Variants in PEX3 observed in about 807,000 individuals in gnomAD.
The protein encoded by PEX3 is peroxisomal biogenesis factor 3.
PEX3 carries 30 observed loss-of-function variants against 55.8 expected under a neutral mutation model. That is an observed-to-expected ratio of 0.54 (90% CI 0.40 to 0.73). The LOEUF is 0.73. PEX3 is among the 30% of genes least tolerant of loss of function. The probability of loss-of-function intolerance (pLI) is 0.00; values close to 1 mark genes in which losing one functional copy is unlikely to be tolerated. For synonymous variants in PEX3, 135 were observed against 148.4 expected (o/e 0.91, Z 0.66); for missense variants, 351 against 432.8 (o/e 0.81, Z 1.68).
chr6:143,470,960 G>A lies in PEX3; in HGVS notation c.332-1G>A, dbSNP rs1386505638. The A allele has an allele frequency of 7.4e-6, 12 of 1,611,730 alleles. No individual in the cohort carries two copies. Among genetic ancestry groups the A allele is most frequent in the Admixed American group, 1.7e-5 (1 of 59,988 alleles). On this transcript the variant is annotated splice_acceptor_variant, in intron 4 of 11. Transcript: ENST00000367591. LOFTEE classifies it high-confidence loss of function. The stretch of plus-strand genomic sequence containing the variant: ...CAAATGCTTTTCTTTTCTCTGTGAA[G>A]GTTTCACAAGAAGTACTGTGGCTGT...
At position 143,471,345 on chromosome 6, in the gene PEX3, A is replaced by G; in HGVS notation, c.457-38A>G. On this transcript the variant is annotated intron_variant, in intron 5 of 11. Transcript: ENST00000367591. This position sits in a 1 kb window ranked among gnomAD's most constrained non-coding sequence, Gnocchi z 5.4. ...AAAACATTTCTTATTTACCAGTTTAAAACTTGGATAATTGAACTGTATTTC... is the reference window on the plus strand; with the variant it reads ...AAAACATTTCTTATTTACCAGTTTAGAACTTGGATAATTGAACTGTATTTC... 1 of 1,426,606 alleles carries G rather than the reference A, an allele frequency of 7.0e-7. No individual in the cohort carries two copies. 88.4% of individuals were successfully genotyped at this position (1,426,606 alleles called of 1,614,324 possible). A position where few individuals can be genotyped will look rare whatever the true frequency, so the allele number is the denominator to read the frequency against.
chr6:143,474,232 G>A (rs924752863), intron 8 of PEX3, among the ~76,000 whole-genome samples: 1 of 152,044 alleles, frequency 6.6e-6, no homozygotes, highest in Non-Finnish European at 1.5e-5. Flanking sequence ...GGCGGATCAC[G>A]AGGTCAGGAG....
rs896344168 is a variant in PEX3 at position 143,459,469 on chromosome 6, C to G, written c.205+253C>G. ...GAAGTGAACAACAACAACAAAAAGC[C>G]CCTGACCTTTGGAGTTTATATTCTA... On this transcript the variant is annotated intron_variant, in intron 2 of 11. Coordinates refer to ENST00000367591, the MANE Select transcript of PEX3 (RefSeq NM_003630.3). The surrounding 1 kb of genome is among the most constrained non-coding windows in gnomAD (Gnocchi z 4.2). 7.2e-5 allele frequency among the ~76,000 whole-genome samples: 11 copies of G among 152,074 alleles called. No individual in the cohort carries two copies. Among genetic ancestry groups the G allele is most frequent in the African/African-American group, 2.7e-4 (11 of 41,392 alleles).
chr6:143,454,083 A>G lies in PEX3; in HGVS notation c.73+2968A>G, dbSNP rs1258245430. Among the ~76,000 whole-genome samples, 2 of 152,196 alleles carry G rather than the reference A, an allele frequency of 1.3e-5. No individual in the cohort carries two copies. The highest frequency in any genetic ancestry group is 2.4e-5 in the African/African-American group (1 of 41,454). ...ATAAACCTATTACATATTAACATAC[A>G]TAACATTTTCAAAAAATTAATGAGT... On this transcript the variant is annotated intron_variant, in intron 1 of 11. Transcript: ENST00000367591. This position sits in a 1 kb window ranked among gnomAD's most constrained non-coding sequence, Gnocchi z 4.3.
rs1448158496 is a variant in PEX3 at position 143,471,665 on chromosome 6, A to G, written c.578+54A>G. The stretch of plus-strand genomic sequence containing the variant: ...CTTCTTGATTCTAATGAGTGAAAGA[A>G]AATTAGAATTGTTCTAGTGAAACCA... On this transcript the variant is annotated intron_variant, in intron 7 of 11. Coordinates refer to ENST00000367591, the MANE Select transcript of PEX3 (RefSeq NM_003630.3). This position sits in a 1 kb window ranked among gnomAD's most constrained non-coding sequence, Gnocchi z 5.4. 1.6e-6 allele frequency: 2 copies of G among 1,259,912 alleles called. No individual in the cohort carries two copies. Among genetic ancestry groups the G allele is most frequent in the Admixed American group, 3.4e-5 (2 of 59,466 alleles). The allele number at this position is 1,259,912 out of a possible 1,614,324, so 78.0% of individuals were successfully genotyped here.
Position 143,466,918 on chromosome 6 carries a change from G to A in PEX3, c.288-1204G>A, listed in dbSNP as rs150466437. ...TACTGTATTATATAAATTTGACTTG[G>A]GAACCATATAAATATTTAATATTAT... On this transcript the variant is annotated intron_variant, in intron 3 of 11. Coordinates refer to ENST00000367591, the MANE Select transcript of PEX3 (RefSeq NM_003630.3). This position sits in a 1 kb window ranked among gnomAD's most constrained non-coding sequence, Gnocchi z 5.4. 0.011 allele frequency among the ~76,000 whole-genome samples: 1,672 copies of A among 151,350 alleles called. 26 individuals carry two copies. Among genetic ancestry groups the A allele is most frequent in the African/African-American group, 0.038 (1,564 of 41,328 alleles).
In PEX3 at chr6:143,471,293, T is replaced by C; in HGVS notation, c.457-90T>C. ...CTATTTTTCCCGTCATTTCAGATCT[T>C]GAAAAATCTCAGCCAAAGTTTTATT... On this transcript the variant is annotated intron_variant, in intron 5 of 11. Coordinates refer to ENST00000367591, the MANE Select transcript of PEX3 (RefSeq NM_003630.3). This position sits in a 1 kb window ranked among gnomAD's most constrained non-coding sequence, Gnocchi z 5.4. 8.5e-7 allele frequency: 1 copy of C among 1,179,190 alleles called. No individual in the cohort carries two copies. Among genetic ancestry groups the C allele is most frequent in the Non-Finnish European group, 1.3e-6 (1 of 794,344 alleles). The allele number at this position is 1,179,190 out of a possible 1,614,324, so 73.0% of individuals were successfully genotyped here.
Position 143,485,208 on chromosome 6 carries a change from TC to T in PEX3, c.1000del (p.His334IlefsTer16). 6.2e-7 allele frequency: 1 copy of T among 1,608,046 alleles called. No homozygotes were observed. The highest frequency in any genetic ancestry group is 8.5e-7 in the Non-Finnish European group (1 of 1,174,724). On this transcript the variant is annotated frameshift_variant, in exon 11 of 12. Transcript: ENST00000367591. LOFTEE classifies it high-confidence loss of function. The surrounding 1 kb of genome is among the most constrained non-coding windows in gnomAD (Gnocchi z 5.6). ...ATAATTCCAATAGTAAACGGACAGA[TC>T]CATTCAGTTTGCAGTGAAACACCTA... ...AKIIPIVNGQ[I>X]HSVCSETPSH...
rs781623065 is a variant in PEX3, at chr6:143,451,431, TAAAA to T, written c.73+321_73+324del. On this transcript the variant is annotated intron_variant, in intron 1 of 11. Coordinates refer to ENST00000367591, the MANE Select transcript of PEX3 (RefSeq NM_003630.3). This position sits in a 1 kb window ranked among gnomAD's most constrained non-coding sequence, Gnocchi z 4.1. ...GCACCATTCTCTTACAGGAACTTTT[TAAAA>T]AAAATTCTGCTTTCCTGTGAGATTC... Among the ~76,000 whole-genome samples the T allele has an allele frequency of 5.3e-5, 8 of 152,080 alleles. No individual in the cohort carries two copies. Among genetic ancestry groups the T allele is most frequent in the South Asian group, 2.1e-4 (1 of 4,826 alleles).
chr6:143,450,975 A>C lies in PEX3; in HGVS notation c.-68A>C. On this transcript the variant is annotated 5_prime_UTR_variant, in exon 1 of 12. Coordinates refer to ENST00000367591, the MANE Select transcript of PEX3 (RefSeq NM_003630.3). The stretch of plus-strand genomic sequence containing the variant: ...CTTGCTGGGTCATCTGGGCCAGGTG[A>C]CGAAGAAACAGTTTCCTGGTGAAGC... The C allele has an allele frequency of 8.6e-7, 1 of 1,169,364 alleles. No homozygotes were observed. The highest frequency in any genetic ancestry group is 1.3e-6 in the Non-Finnish European group (1 of 773,558). The allele number at this position is 1,169,364 out of a possible 1,614,324, so 72.4% of individuals were successfully genotyped here.
intron 8 of PEX3, 40 bp from the exon 9 acceptor site, chr6:143,474,746 A>C (rs766358126): frequency 1.0e-6 from 1 of 983,976 alleles, no homozygotes; most frequent in Admixed American, 1.7e-5. Context: ...ACCCTGTGCT[A>C]ATGTTTGAAA....
chr6:143,479,058 A>G lies in PEX3; in HGVS notation c.819-18A>G. The G allele has an allele frequency of 6.6e-7, 1 of 1,505,054 alleles. No individual in the cohort carries two copies. Among genetic ancestry groups the G allele is most frequent in the South Asian group, 1.1e-5 (1 of 88,530 alleles). The allele number at this position is 1,505,054 out of a possible 1,614,324, so 93.2% of individuals were successfully genotyped here. On this transcript the variant is annotated intron_variant, in intron 9 of 11. Transcript: ENST00000367591. The surrounding 1 kb of genome is among the most constrained non-coding windows in gnomAD (Gnocchi z 4.6). The stretch of plus-strand genomic sequence containing the variant: ...ATTCAGAGTCTAAAAAGTAACTTAT[A>G]CTTCTTACTTTATATAGCCCAGATT...
In PEX3 at chr6:143,450,846, T is replaced by C. The variant is rs184934783; in HGVS notation, c.-197T>C. On this transcript the variant is annotated 5_prime_UTR_variant, in exon 1 of 12. Transcript: ENST00000367591. ...TGCGCGGCGGCAGCGGCAGAAAGCG[T>C]AGCTGCTTTGCTGTAGTCCACGCCC... The C allele has an allele frequency of 0.013, 10,055 of 756,068 alleles. 611 individuals are homozygous for C. In the Admixed American group the frequency reaches 0.13, roughly 10 times the overall value. 46.8% of individuals were successfully genotyped at this position (756,068 alleles called of 1,614,324 possible). A position where few individuals can be genotyped will look rare whatever the true frequency, so the allele number is the denominator to read the frequency against.
At chr6:143,456,418 G>A (rs866979781) in intron 1 of PEX3, among the ~76,000 whole-genome samples, 3 of 152,174 alleles carry the variant, frequency 2.0e-5, no homozygotes, top group African/African-American at 7.2e-5. Flanking sequence ...TTAGTTCAGT[G>A]CTAAAATCAA....
chr6:143,460,953 C>A (rs997409437), intron 2 of PEX3, among the ~76,000 whole-genome samples: 1 of 151,406 alleles, frequency 6.6e-6, no homozygotes, highest in African/African-American at 2.4e-5. Flanking sequence ...CAGTTTGGGT[C>A]CCCTGGGAAG....
chr6:143,485,306 T>C lies in PEX3; in HGVS notation c.1038+58T>C. 1.1e-6 allele frequency: 1 copy of C among 948,404 alleles called. No individual in the cohort carries two copies. The highest frequency in any genetic ancestry group is 1.7e-6 in the Non-Finnish European group (1 of 573,814). 58.7% of individuals were successfully genotyped at this position (948,404 alleles called of 1,614,324 possible). On this transcript the variant is annotated intron_variant, in intron 11 of 11. Transcript: ENST00000367591. This position sits in a 1 kb window ranked among gnomAD's most constrained non-coding sequence, Gnocchi z 5.6. ...CAAATTATATTTGTGGTGGTGGTCA[T>C]GTTTGTCTAACATAAAGTTACATTC... is the stretch of plus-strand genomic sequence containing the variant.
intron 9 of PEX3, among the ~76,000 whole-genome samples, chr6:143,477,314 G>T (rs748217047): frequency 1.3e-5 from 2 of 152,236 alleles, no homozygotes; most frequent in South Asian, 2.1e-4. Flanking sequence ...TCCATGAGAC[G>T]AGTAATTTTT....
Position 143,485,606 on chromosome 6 carries a change from G to A in PEX3, c.1038+358G>A, listed in dbSNP as rs1369751475. On this transcript the variant is annotated intron_variant, in intron 11 of 11. Transcript: ENST00000367591. This position sits in a 1 kb window ranked among gnomAD's most constrained non-coding sequence, Gnocchi z 5.6. ...AGGATCCTGTTCTACACATTTTGAG[G>A]AAAACTAAAAAAATTTGTGGAGAAG... Among the ~76,000 whole-genome samples, 1 of 151,924 alleles carries A rather than the reference G, an allele frequency of 6.6e-6. No homozygotes were observed. Among genetic ancestry groups the A allele is most frequent in the Non-Finnish European group, 1.5e-5 (1 of 67,942 alleles).
Position 143,476,642 on chromosome 6 carries a change from G to A in PEX3, c.818+1786G>A, listed in dbSNP as rs567423680. ...GTACTTGTGGAATTATTTAGTGTGG[G>A]TTATGAAAGAGGAGGCAAGGATGAC... is the stretch of plus-strand genomic sequence containing the variant. On this transcript the variant is annotated intron_variant, in intron 9 of 11. Coordinates refer to ENST00000367591, the MANE Select transcript of PEX3 (RefSeq NM_003630.3). The surrounding 1 kb of genome is among the most constrained non-coding windows in gnomAD (Gnocchi z 5.4). Among the ~76,000 whole-genome samples, 83 of 152,276 alleles carry A rather than the reference G, an allele frequency of 5.5e-4. No individual in the cohort carries two copies. The highest frequency in any genetic ancestry group is 1.9e-3 in the African/African-American group (77 of 41,550).
Sources: allele counts gnomAD v4.1 joint callset (sites outside exome capture counted in the v4.1 genomes callset), GRCh38; gene constraint gnomAD v4.1.1; non-coding constraint Gnocchi (gnomAD v3.1); transcripts MANE v1.5; gene names NCBI Gene and HGNC (gene_info 2026-07-23, HGNC 2026-07-21).